Variants in EIF4G3 observed in about 807,000 individuals in gnomAD.
EIF4G3 encodes eukaryotic translation initiation factor 4 gamma 3, also known as eIF-4-gamma 3.
Under a neutral mutation model 186.4 loss-of-function variants are expected in EIF4G3, and 34 were observed. The ratio of observed to expected loss-of-function variants is 0.18; its 90% CI spans 0.14 to 0.24. The LOEUF (loss-of-function observed/expected upper bound fraction) is 0.24. EIF4G3 is among the 10% of genes least tolerant of loss of function. EIF4G3 has a pLI of 1.00. For missense variants in EIF4G3, 1,536 were observed against 1,948.5 expected, an observed-to-expected ratio of 0.79 and a Z score of 3.99; for synonymous variants, 673 against 679.5, an observed-to-expected ratio of 0.99 and a Z score of 0.15.
chr1:21,022,509 T>C (rs2090976536), intron 4 of EIF4G3, among the ~76,000 whole-genome samples: 1 of 152,232 alleles, frequency 6.6e-6, no homozygotes, highest in Non-Finnish European at 1.5e-5. Context: ...CTGTTCACAG[T>C]AACACAGTGG....
At chr1:21,021,570 T>C (rs1198185916) in intron 4 of EIF4G3, among the ~76,000 whole-genome samples, 1 of 152,130 alleles carries the variant, frequency 6.6e-6, no homozygotes, top group African/African-American at 2.4e-5. Flanking sequence ...TTTTTCTTTA[T>C]GTGGAGACAG....
intron 4 of EIF4G3, among the ~76,000 whole-genome samples, chr1:21,026,552 T>C (rs2092124224): frequency 6.6e-6 from 1 of 150,434 alleles, no homozygotes; most frequent in South Asian, 2.1e-4. Context: ...CTTGGGCATA[T>C]TAACAATTTA....
intron 13 of EIF4G3, among the ~76,000 whole-genome samples, chr1:20,947,085 T>C (rs2095983565): frequency 6.6e-6 from 1 of 152,112 alleles, no homozygotes; most frequent in Non-Finnish European, 1.5e-5. Flanking sequence ...CTGAGGTAGC[T>C]CCCGTAATCC....
intron 3 of EIF4G3, among the ~76,000 whole-genome samples, chr1:21,060,970 G>A (rs2094880065): frequency 6.6e-6 from 1 of 152,008 alleles, no homozygotes; most frequent in Non-Finnish European, 1.5e-5. Flanking sequence ...ATTGTACTAG[G>A]TGCATGGAAT....
chr1:21,176,464 G>C (rs1199384878), intron 1 of EIF4G3, 106 bp from the exon 2 acceptor site: 2 of 188,998 alleles, frequency 1.1e-5, no homozygotes, highest in East Asian at 1.4e-4. Context: ...GGGGCAGCGG[G>C]GGGGCGGGAT....
chr1:20,831,697 T>C (rs1401092232), intron 30 of EIF4G3, among the ~76,000 whole-genome samples: 3 of 151,474 alleles, frequency 2.0e-5, no homozygotes, highest in African/African-American at 7.3e-5. Flanking sequence ...CATGCTGGTG[T>C]GCTGCACCCA....
chr1:21,036,177 T>C (rs2093180953), intron 4 of EIF4G3, among the ~76,000 whole-genome samples: 1 of 151,584 alleles, frequency 6.6e-6, no homozygotes, highest in South Asian at 2.1e-4. Context: ...GCAGAGACAA[T>C]GGGACAACCT....
chr1:21,107,229 T>G (rs769783423), intron 2 of EIF4G3, among the ~76,000 whole-genome samples: 1 of 152,206 alleles, frequency 6.6e-6, no homozygotes, highest in African/African-American at 2.4e-5. Flanking sequence ...CAGACTGGAA[T>G]GCAGTGGCAC....
intron 14 of EIF4G3, among the ~76,000 whole-genome samples, chr1:20,939,847 G>GTTTTTTTTT (rs538504683): frequency 5.6e-4 from 50 of 89,950 alleles, no homozygotes; most frequent in Non-Finnish European, 6.2e-4. Context: ...AAGTTGTTTA[G>GTTTTTTTTT]TTTTTTTTTT....
chr1:20,932,091 T>C (rs2095337453), intron 14 of EIF4G3, among the ~76,000 whole-genome samples: 1 of 152,242 alleles, frequency 6.6e-6, no homozygotes, highest in South Asian at 2.1e-4. Flanking sequence ...CTGTGGCTTC[T>C]CTATCACCAC....
At chr1:20,998,086 G>A (rs2082685023) in intron 6 of EIF4G3, among the ~76,000 whole-genome samples, 1 of 151,958 alleles carries the variant, frequency 6.6e-6, no homozygotes, top group Admixed American at 6.6e-5. Context: ...ATAAAGTCCA[G>A]CAGGAAGTAA....
At chr1:21,144,406 AC>A (rs754305972) in intron 2 of EIF4G3, among the ~76,000 whole-genome samples, 80 of 150,192 alleles carry the variant, frequency 5.3e-4, no homozygotes, top group Non-Finnish European at 8.7e-4. Flanking sequence ...AACTAACACT[AC>A]AGCAGCACAC....
chr1:20,842,290 TA>T (rs2068903587), intron 29 of EIF4G3, among the ~76,000 whole-genome samples: 2 of 152,250 alleles, frequency 1.3e-5, no homozygotes, highest in Non-Finnish European at 2.9e-5. Context: ...TCCTTTAATC[TA>T]AAATCGTCCT....
chr1:21,051,454 C>T (rs772539864), intron 3 of EIF4G3, among the ~76,000 whole-genome samples: 12 of 151,982 alleles, frequency 7.9e-5, no homozygotes, highest in Non-Finnish European at 1.5e-4. Context: ...GACTTATGGA[C>T]GTATACACTA....
chr1:20,867,736 G>C (rs1445367086), intron 20 of EIF4G3, among the ~76,000 whole-genome samples: 1 of 152,112 alleles, frequency 6.6e-6, no homozygotes, highest in Non-Finnish European at 1.5e-5. Context: ...AGCAAAGTTA[G>C]CTCACTAAGC....
intron 12 of EIF4G3, 134 bp downstream of exon 12, chr1:20,969,340 T>C (rs2075356996): frequency 9.9e-7 from 1 of 1,008,252 alleles, no homozygotes; most frequent in Non-Finnish European, 1.4e-6. Flanking sequence ...TCTGTTTAAA[T>C]ACCATTTAGA....
intron 2 of EIF4G3, among the ~76,000 whole-genome samples, chr1:21,120,712 A>T (rs1377052480): frequency 6.6e-6 from 1 of 152,166 alleles, no homozygotes; most frequent in Non-Finnish European, 1.5e-5. Flanking sequence ...ACCAGTTATA[A>T]ATATGCATAT....
intron 7 of EIF4G3, chr1:20,988,170 T>C (rs1028377207): frequency 6.2e-5 from 10 of 160,924 alleles, no homozygotes; most frequent in African/African-American, 2.4e-4. Flanking sequence ...TCATGAGGTT[T>C]AGTGAAAGCA....
chr1:20,993,695 A>G (rs964694261), intron 7 of EIF4G3, among the ~76,000 whole-genome samples: 1 of 152,238 alleles, frequency 6.6e-6, no homozygotes, highest in African/African-American at 2.4e-5. Flanking sequence ...ATAATGCAAT[A>G]AAGGACAAAA....
Sources: gnomAD v4.1 joint callset for allele counts (sites outside exome capture counted in the v4.1 genomes callset) on GRCh38, gnomAD v4.1.1 for gene constraint, MANE v1.5 for transcripts, NCBI Gene and HGNC (gene_info 2026-07-23, HGNC 2026-07-21) for gene names.